Variants in MYH16 observed in about 807,000 individuals in gnomAD.
MYH16 encodes putative uncharacterized protein MYH16.
At chr7:99,259,806 ATATG>A (rs952040965) in intron 11 of MYH16, among the ~76,000 whole-genome samples, 87 of 144,902 alleles carry the variant, frequency 6.0e-4, no homozygotes, top group South Asian at 4.2e-4. Context: ...TATATTATAT[ATATG>A]TATGTATGTG....
intron 25 of MYH16, 60 bp from the exon 8 acceptor site, chr7:99,284,779 TTCCCTC>T: frequency 4.4e-6 from 2 of 452,130 alleles, no homozygotes. Context: ...CCAGGCGACA[TTCCCTC>T]GCCAGCTTGC....
chr7:99,263,212 G>C (rs1176771900), intron 13 of MYH16: 1 of 152,400 alleles, frequency 6.6e-6, no homozygotes, highest in African/African-American at 2.4e-5. Context: ...CCCAGGATGT[G>C]GGGGTGAAAG....
At chr7:99,247,375 A>C (rs1791746045) in intron 2 of MYH16, among the ~76,000 whole-genome samples, 1 of 152,216 alleles carries the variant, frequency 6.6e-6, no homozygotes, top group Admixed American at 6.5e-5. Flanking sequence ...GGGTTTCACC[A>C]TGTTGGTCAG....
At chr7:99,309,123 G>A (rs1792722273), downstream of MYH16, among the ~76,000 whole-genome samples, 1 of 152,182 alleles carries the variant, frequency 6.6e-6, no homozygotes, top group Admixed American at 6.5e-5. Context: ...TTTATTTGAA[G>A]TTACTGTGGA....
At chr7:99,252,199 A>G (rs1791816538) in intron 6 of MYH16, among the ~76,000 whole-genome samples, 1 of 152,088 alleles carries the variant, frequency 6.6e-6, no homozygotes, top group Admixed American at 6.5e-5. Flanking sequence ...AAACCAGTGC[A>G]GCTGTCTGGC....
At chr7:99,260,467 A>G (rs1791926755) in intron 12 of MYH16, 1 of 468,028 alleles carries the variant, frequency 2.1e-6, no homozygotes, top group Non-Finnish European at 4.0e-6. Context: ...TATGACCTCT[A>G]GCTCCCTATC....
intron 1 of MYH16, among the ~76,000 whole-genome samples, chr7:99,242,825 A>G (rs934750811): frequency 3.3e-5 from 5 of 152,060 alleles, no homozygotes; most frequent in African/African-American, 1.2e-4. Flanking sequence ...GCTCATCGCT[A>G]TTTCGAAATC....
chr7:99,276,634 A>G (rs1255668252), intron 20 of MYH16, among the ~76,000 whole-genome samples: 3 of 152,264 alleles, frequency 2.0e-5, no homozygotes. Flanking sequence ...GCCCAGCCCT[A>G]TAGACACAGG....
intron 19 of MYH16, 72 bp from the exon 2 acceptor site, chr7:99,273,270 C>T (rs1792069625): frequency 2.2e-6 from 1 of 453,258 alleles, no homozygotes; most frequent in Non-Finnish European, 4.4e-6. Flanking sequence ...TCCCAGGCCC[C>T]ACCCCTTCCC....
chr7:99,287,834 C>A, intron 28 of MYH16, 58 bp from the exon 10 acceptor site: 1 of 431,806 alleles, frequency 2.3e-6, no homozygotes, highest in Non-Finnish European at 4.7e-6. Context: ...TGGGCGGTGT[C>A]CACCCGGAAA....
intron 19 of MYH16, among the ~76,000 whole-genome samples, chr7:99,271,528 C>T (rs1792046293): frequency 6.6e-6 from 1 of 151,790 alleles, no homozygotes; most frequent in Admixed American, 6.6e-5. Context: ...AAAAAGAACC[C>T]TGTCTCTCAG....
At chr7:99,279,483 CT>C (rs1476090951) in intron 21 of MYH16, 26 bp from the exon 4 acceptor site, 1 of 454,364 alleles carries the variant, frequency 2.2e-6, no homozygotes, top group East Asian at 7.0e-5. Flanking sequence ...GGACCCTGTC[CT>C]CGACCGGGGC....
intron 19 of MYH16, among the ~76,000 whole-genome samples, chr7:99,272,156 G>C (rs190936249): frequency 6.6e-6 from 1 of 152,098 alleles, no homozygotes; most frequent in Non-Finnish European, 1.5e-5. Flanking sequence ...GTATCCTTTC[G>C]GAGGACACAG....
At chr7:99,274,827 C>T (rs1324387253) in intron 20 of MYH16, among the ~76,000 whole-genome samples, 1 of 151,960 alleles carries the variant, frequency 6.6e-6, no homozygotes, top group East Asian at 1.9e-4. Context: ...GCATCTGCCA[C>T]CCTACCTGGC....
chr7:99,282,909 G>T (rs1346867402), intron 23 of MYH16, among the ~76,000 whole-genome samples: 11 of 152,080 alleles, frequency 7.2e-5, no homozygotes, highest in Non-Finnish European at 1.3e-4. Context: ...TCTAGGTTTA[G>T]AAGAGTAGAA....
chr7:99,307,755 A>G (rs1792702327), downstream of MYH16, among the ~76,000 whole-genome samples: 1 of 152,102 alleles, frequency 6.6e-6, no homozygotes, highest in Non-Finnish European at 1.5e-5. Flanking sequence ...TTTATTTGAG[A>G]GTCTCACTCT....
At chr7:99,293,044 A>C (rs1170851999) in intron 32 of MYH16, among the ~76,000 whole-genome samples, 1 of 151,944 alleles carries the variant, frequency 6.6e-6, no homozygotes, top group Non-Finnish European at 1.5e-5. Flanking sequence ...TCTCTGGTGT[A>C]AAAGGAGGCT....
intron 3 of MYH16, among the ~76,000 whole-genome samples, chr7:99,248,544 C>T (rs1043187430): frequency 4.6e-5 from 7 of 152,194 alleles, no homozygotes; most frequent in Admixed American, 1.3e-4. Context: ...TATAGCAATG[C>T]GTCACTATGC....
At chr7:99,281,023 T>A (rs748485184) in intron 23 of MYH16, 43 bp downstream of exon 5, 18 of 326,486 alleles carry the variant, frequency 5.5e-5, no homozygotes, top group South Asian at 4.1e-4. Context: ...CAGCTAGAGC[T>A]TGGCACAATG....
Sources: gnomAD v4.1 joint callset for allele counts (sites outside exome capture counted in the v4.1 genomes callset) on GRCh38, gnomAD v4.1.1 for gene constraint, MANE v1.5 for transcripts, NCBI Gene and HGNC (gene_info 2026-07-23, HGNC 2026-07-21) for gene names.